The following MAP2K5 variants were observed in gnomAD, a reference collection of about 807,000 sequenced individuals.
MAP2K5 encodes mitogen-activated protein kinase kinase 5.
Under a neutral mutation model 83.1 loss-of-function variants are expected in MAP2K5, and 49 were observed. The ratio of observed to expected loss-of-function variants is 0.59; its 90% CI spans 0.47 to 0.75. The LOEUF is 0.75. MAP2K5 is among the 30% of genes least tolerant of loss of function. The pLI is 0.00. For missense variants in MAP2K5, 457 were observed against 557.5 expected, an observed-to-expected ratio of 0.82 and a Z score of 1.82; for synonymous variants, 202 against 191.8, an observed-to-expected ratio of 1.05 and a Z score of -0.44.
At chr15:67,588,084 C>A in intron 6 of MAP2K5, 1 of 985,354 alleles carries the variant, frequency 1.0e-6, no homozygotes, top group South Asian at 4.7e-5. Flanking sequence ...TGCTTTAAAA[C>A]CTTCACTGCT....
Position 67,780,648 on chromosome 15 carries a change from G to A in MAP2K5, c.1242+7896G>A, listed in dbSNP as rs147599995. Among the ~76,000 whole-genome samples the A allele has an allele frequency of 2.3e-3, 350 of 152,326 alleles. 1 individual carries two copies. The highest frequency in any genetic ancestry group is 3.5e-3 in the Non-Finnish European group (239 of 68,022). ...TAGGGTGGCCACGCTAGAATACATG[G>A]CCAGATAAAAAAGGTTTTTGTTTGA... On this transcript the variant is annotated intron_variant, in intron 21 of 21. Transcript: ENST00000178640. This position sits in a 1 kb window ranked among gnomAD's most constrained non-coding sequence, Gnocchi z 5.0.
At chr15:67,741,601 A>C (rs1397451908) in intron 17 of MAP2K5, among the ~76,000 whole-genome samples, 1 of 151,916 alleles carries the variant, frequency 6.6e-6, no homozygotes, top group Non-Finnish European at 1.5e-5. Flanking sequence ...CACCTACCAT[A>C]CCCTAGAGCT....
intron 17 of MAP2K5, among the ~76,000 whole-genome samples, chr15:67,739,624 G>A (rs566287067): frequency 6.6e-6 from 1 of 150,960 alleles, no homozygotes; most frequent in African/African-American, 2.4e-5. Context: ...GGGATTGCAG[G>A]CATGTGCCAC....
intron 8 of MAP2K5, chr15:67,629,039 TG>T: frequency 1.3e-6 from 1 of 750,284 alleles, no homozygotes; most frequent in Non-Finnish European, 2.4e-6. Flanking sequence ...CTGGCCCCTA[TG>T]GTGGTGGAGG....
intron 8 of MAP2K5, among the ~76,000 whole-genome samples, chr15:67,620,648 T>C (rs79906544): frequency 0.019 from 2,952 of 152,294 alleles, 41 homozygotes; most frequent in Middle Eastern, 0.065. Context: ...ACGATAGTAA[T>C]AATTCAAAAT....
Position 67,769,363 on chromosome 15 carries a change from T to C in MAP2K5, c.1135-239T>C, listed in dbSNP as rs2141300223. On this transcript the variant is annotated intron_variant, in intron 19 of 21. Coordinates refer to ENST00000178640, the MANE Select transcript of MAP2K5 (RefSeq NM_145160.3). The surrounding 1 kb of genome is among the most constrained non-coding windows in gnomAD (Gnocchi z 5.2). ...TACCCTGTGGCTATCATTGTCCTTTTTTCACCTCCCCCTCTCTCAGCTCTC... is the reference window on the plus strand; with the variant it reads ...TACCCTGTGGCTATCATTGTCCTTTCTTCACCTCCCCCTCTCTCAGCTCTC... Among the ~76,000 whole-genome samples the C allele has an allele frequency of 6.6e-6, 1 of 152,356 alleles. No homozygotes were observed. The highest frequency in any genetic ancestry group is 1.5e-5 in the Non-Finnish European group (1 of 68,034).
intron 8 of MAP2K5, among the ~76,000 whole-genome samples, chr15:67,611,495 A>G (rs766739529): frequency 1.3e-5 from 2 of 152,118 alleles, no homozygotes; most frequent in Non-Finnish European, 2.9e-5. Context: ...ACCTGCCCTT[A>G]TACGTGGAAG....
rs914357776 is a variant in MAP2K5 at position 67,563,080 on chromosome 15, T to C, written c.185-203T>C. On this transcript the variant is annotated intron_variant, in intron 2 of 21. Transcript: ENST00000178640. The surrounding 1 kb of genome is among the most constrained non-coding windows in gnomAD (Gnocchi z 4.5). ...CATGAGCAATATTTTAATTTTCTGC[T>C]ATCCCTAAAAGAAAGTTTTATATTG... Among the ~76,000 whole-genome samples, 1 of 152,232 alleles carries C rather than the reference T, an allele frequency of 6.6e-6. No homozygotes were observed. The highest frequency in any genetic ancestry group is 1.5e-5 in the Non-Finnish European group (1 of 68,032).
At chr15:67,792,873 C>T (rs952228698) in intron 21 of MAP2K5, among the ~76,000 whole-genome samples, 1 of 152,204 alleles carries the variant, frequency 6.6e-6, no homozygotes, top group Non-Finnish European at 1.5e-5. Flanking sequence ...TGTCTGTCCC[C>T]GTGAGATCAC....
rs1279531819 is a variant in MAP2K5 at position 67,565,119 on chromosome 15, T to C, written c.252+1769T>C. ...CTTAGAGCTAGTATGAATGTGAATA[T>C]GGAATTTAAGTTCAGTTTCTTTTCA... On this transcript the variant is annotated intron_variant, in intron 3 of 21. Coordinates refer to ENST00000178640, the MANE Select transcript of MAP2K5 (RefSeq NM_145160.3). The surrounding 1 kb of genome is among the most constrained non-coding windows in gnomAD (Gnocchi z 4.1). Among the ~76,000 whole-genome samples, 1 of 152,270 alleles carries C rather than the reference T, an allele frequency of 6.6e-6. No individual in the cohort carries two copies. The highest frequency in any genetic ancestry group is 1.9e-4 in the East Asian group (1 of 5,204).
intron 21 of MAP2K5, among the ~76,000 whole-genome samples, chr15:67,789,163 C>G (rs546789418): frequency 2.6e-5 from 4 of 152,050 alleles, no homozygotes; most frequent in African/African-American, 4.8e-5. Context: ...TCATTGAGGT[C>G]TTTCCATATA....
At chr15:67,680,239 G>A (rs2087785874) in intron 13 of MAP2K5, among the ~76,000 whole-genome samples, 1 of 152,042 alleles carries the variant, frequency 6.6e-6, no homozygotes, top group Non-Finnish European at 1.5e-5. Context: ...GGGATATTTG[G>A]CATTGTATCC....
At chr15:67,568,512 T>A (rs1596570118) in intron 3 of MAP2K5, among the ~76,000 whole-genome samples, 1 of 152,076 alleles carries the variant, frequency 6.6e-6, no homozygotes, top group African/African-American at 2.4e-5. Context: ...CAGATATCAG[T>A]TGGAAGTCAC....
chr15:67,756,656 G>C (rs747105904), intron 19 of MAP2K5, among the ~76,000 whole-genome samples: 1 of 151,558 alleles, frequency 6.6e-6, no homozygotes, highest in Non-Finnish European at 1.5e-5. Context: ...TCTTATAAAA[G>C]TAAGTTTGTC....
chr15:67,754,249 G>T (rs895422748), intron 19 of MAP2K5, among the ~76,000 whole-genome samples: 1 of 152,094 alleles, frequency 6.6e-6, no homozygotes, highest in Non-Finnish European at 1.5e-5. Flanking sequence ...TATTTTTTGT[G>T]AATTTTATCT....
rs4451902 is a variant in MAP2K5 at position 67,786,080 on chromosome 15, C to T, written c.1242+13328C>T. ...GAAAGTGTTTGTAAACTATGAAGTG[C>T]GAGACATACATGGGGCACGAGGTCA... On this transcript the variant is annotated intron_variant, in intron 21 of 21. Coordinates refer to ENST00000178640, the MANE Select transcript of MAP2K5 (RefSeq NM_145160.3). The surrounding 1 kb of genome is among the most constrained non-coding windows in gnomAD (Gnocchi z 4.7). Among the ~76,000 whole-genome samples the T allele has an allele frequency of 0.14, 20,785 of 151,420 alleles. 1,476 individuals carry two copies. Among genetic ancestry groups the T allele is most frequent in the East Asian group, 0.16 (819 of 5,150 alleles).
At chr15:67,571,211 T>C (rs1480482313) in intron 3 of MAP2K5, among the ~76,000 whole-genome samples, 1 of 152,228 alleles carries the variant, frequency 6.6e-6, no homozygotes, top group African/African-American at 2.4e-5. Flanking sequence ...TGTTTATTTT[T>C]TTCCCCCAGA....
intron 15 of MAP2K5, among the ~76,000 whole-genome samples, chr15:67,697,224 A>C (rs1198371400): frequency 6.6e-6 from 1 of 152,186 alleles, no homozygotes; most frequent in South Asian, 2.1e-4. Flanking sequence ...ATATTCATGC[A>C]TACTTCTGTA....
At chr15:67,675,823 T>C in intron 13 of MAP2K5, among the ~76,000 whole-genome samples, 1 of 152,278 alleles carries the variant, frequency 6.6e-6, no homozygotes, top group East Asian at 1.9e-4. Context: ...GATTTGATCA[T>C]AGGCAGAGTC....
Sources: allele counts gnomAD v4.1 joint callset (sites outside exome capture counted in the v4.1 genomes callset), GRCh38; gene constraint gnomAD v4.1.1; non-coding constraint Gnocchi (gnomAD v3.1); transcripts MANE v1.5; gene names NCBI Gene and HGNC (gene_info 2026-07-23, HGNC 2026-07-21).